Variants in KATNBL1 observed in about 807,000 individuals in gnomAD.
KATNBL1 encodes the protein katanin regulatory subunit B1 like 1.
A neutral mutation model predicts 44.7 loss-of-function variants in KATNBL1; 28 were observed. That is an observed-to-expected ratio of 0.63 (90% CI 0.46 to 0.86). The LOEUF (loss-of-function observed/expected upper bound fraction) is 0.86. KATNBL1 is among the 40% of genes least tolerant of loss of function. The pLI is 0.00. For synonymous variants in KATNBL1, 78 were observed against 114.9 expected, an observed-to-expected ratio of 0.68 and a Z score of 2.06; for missense variants, 272 against 350.7, an observed-to-expected ratio of 0.78 and a Z score of 1.79.
At chr15:34,148,544 T>C (rs1374966620) in intron 5 of KATNBL1, 88 bp downstream of exon 5, 2 of 732,738 alleles carry the variant, frequency 2.7e-6, no homozygotes, top group East Asian at 5.5e-5. Context: ...GCCATGATTG[T>C]GCCACTGTAC....
At chr15:34,194,496 G>A (rs959981935) in intron 1 of KATNBL1, among the ~76,000 whole-genome samples, 1 of 152,062 alleles carries the variant, frequency 6.6e-6, no homozygotes, top group African/African-American at 2.4e-5. Flanking sequence ...GGTGGCACGC[G>A]CCTGTAGTTC....
At chr15:34,190,195 C>T (rs1889834354) in intron 1 of KATNBL1, among the ~76,000 whole-genome samples, 1 of 152,154 alleles carries the variant, frequency 6.6e-6, no homozygotes. Context: ...CCCCCAGCCT[C>T]GGCCTCCCAA....
intron 4 of KATNBL1, among the ~76,000 whole-genome samples, chr15:34,151,602 C>T (rs1272219506): frequency 6.6e-6 from 1 of 151,812 alleles, no homozygotes; most frequent in Non-Finnish European, 1.5e-5. Context: ...CAGGCGTGCA[C>T]CACCACGCCT....
intron 1 of KATNBL1, among the ~76,000 whole-genome samples, chr15:34,170,758 G>C (rs542959863): frequency 3.3e-5 from 5 of 152,268 alleles, no homozygotes; most frequent in Non-Finnish European, 7.3e-5. Flanking sequence ...CAATGGAACA[G>C]AACAGAGACC....
At chr15:34,182,328 T>C (rs1273755009) in intron 1 of KATNBL1, among the ~76,000 whole-genome samples, 1 of 152,210 alleles carries the variant, frequency 6.6e-6, no homozygotes. Flanking sequence ...AGATTACACG[T>C]AAGTTATTAC....
At chr15:34,165,038 C>T (rs11636442) in intron 1 of KATNBL1, among the ~76,000 whole-genome samples, 84,689 of 152,112 alleles carry the variant, frequency 0.56, 24,531 homozygotes, top group East Asian at 0.71. Flanking sequence ...AACCCTTCCA[C>T]CTGTATCCCA....
chr15:34,162,065 A>T (rs1021578331), intron 2 of KATNBL1, among the ~76,000 whole-genome samples: 3 of 152,224 alleles, frequency 2.0e-5, no homozygotes, highest in South Asian at 4.1e-4. Flanking sequence ...AGTTTTTCAG[A>T]TTAATGTTTT....
chr15:34,159,840 G>T (rs1414732854), intron 2 of KATNBL1, among the ~76,000 whole-genome samples: 2 of 152,122 alleles, frequency 1.3e-5, no homozygotes, highest in Non-Finnish European at 2.9e-5. Context: ...TATTTCACTT[G>T]TGTCTCCTCT....
intron 1 of KATNBL1, among the ~76,000 whole-genome samples, chr15:34,175,476 T>C (rs1889301648): frequency 6.6e-6 from 1 of 152,242 alleles, no homozygotes; most frequent in Non-Finnish European, 1.5e-5. Flanking sequence ...GATGACAACG[T>C]ACATAGTCTG....
rs777168959 is a variant in KATNBL1 at position 34,142,314 on chromosome 15, A to G, written c.*25T>C. ...AGTTCAGGGATGTTTTGAAAAACCA[A>G]ATGCTCTTTAGTAGATGAAATCTCT... On this transcript the variant is annotated 3_prime_UTR_variant, in exon 10 of 10. Coordinates refer to ENST00000256544, the MANE Select transcript of KATNBL1 (RefSeq NM_024713.3). 12 of 1,584,210 alleles carry G rather than the reference A, an allele frequency of 7.6e-6. No homozygotes were observed. Among genetic ancestry groups the G allele is most frequent in the African/African-American group, 1.4e-5 (1 of 72,916 alleles).
chr15:34,209,696 C>T (rs1890381262), intron 1 of KATNBL1: 1 of 152,234 alleles, frequency 6.6e-6, no homozygotes, highest in Non-Finnish European at 1.5e-5. Context: ...TCGGTCCACG[C>T]CTCTCCCGGC....
chr15:34,194,640 G>A (rs1889983239), intron 1 of KATNBL1, among the ~76,000 whole-genome samples: 1 of 152,034 alleles, frequency 6.6e-6, no homozygotes, highest in Non-Finnish European at 1.5e-5. Context: ...GTTGGGAAGG[G>A]AAAGCCTCTG....
chr15:34,201,977 G>A (rs940341588), intron 1 of KATNBL1, among the ~76,000 whole-genome samples: 1 of 152,142 alleles, frequency 6.6e-6, no homozygotes, highest in Non-Finnish European at 1.5e-5. Context: ...TATTTAAGGT[G>A]TATGGGAGGA....
intron 2 of KATNBL1, among the ~76,000 whole-genome samples, chr15:34,160,758 G>A (rs1317787802): frequency 2.6e-5 from 4 of 152,058 alleles, no homozygotes; most frequent in African/African-American, 4.8e-5. Flanking sequence ...CCATCTTGAT[G>A]GTTTTGGGGT....
chr15:34,172,766 C>G (rs772025423), intron 1 of KATNBL1, among the ~76,000 whole-genome samples: 5 of 104,868 alleles, frequency 4.8e-5, no homozygotes, highest in African/African-American at 2.6e-4. Context: ...CACAGACACA[C>G]ACACACACAC....
Position 34,208,321 on chromosome 15 carries a change from T to C in KATNBL1, c.-15+1630A>G, listed in dbSNP as rs190268317. Among the ~76,000 whole-genome samples, 32 of 152,358 alleles carry C rather than the reference T, an allele frequency of 2.1e-4. 1 individual carries two copies. In the East Asian group the frequency reaches 5.8e-3, roughly 28 times the overall value. On this transcript the variant is annotated intron_variant, in intron 1 of 9. Transcript: ENST00000256544. ...CGGCACATTTCTTTTGTATAGCCAA[T>C]TGGGTCTACCACCCTGTTGGGCATA...
intron 1 of KATNBL1, among the ~76,000 whole-genome samples, chr15:34,186,546 G>A (rs1300725341): frequency 1.3e-5 from 2 of 152,202 alleles, no homozygotes; most frequent in African/African-American, 4.8e-5. Context: ...GGTGGGGACA[G>A]GCGGGAGCCC....
intron 2 of KATNBL1, among the ~76,000 whole-genome samples, chr15:34,159,165 T>C (rs1289933159): frequency 1.3e-5 from 2 of 152,152 alleles, no homozygotes; most frequent in African/African-American, 2.4e-5. Flanking sequence ...TTTTTTTCTG[T>C]TAATAGGGCT....
At chr15:34,166,651 C>T (rs1235916508) in intron 1 of KATNBL1, among the ~76,000 whole-genome samples, 1 of 152,218 alleles carries the variant, frequency 6.6e-6, no homozygotes, top group Non-Finnish European at 1.5e-5. Context: ...GGTCCTTGAC[C>T]CCTGTGTAGC....
Sources: allele counts gnomAD v4.1 joint callset (sites outside exome capture counted in the v4.1 genomes callset), GRCh38; gene constraint gnomAD v4.1.1; transcripts MANE v1.5; gene names NCBI Gene and HGNC (gene_info 2026-07-23, HGNC 2026-07-21).